The following KCTD16 variants were observed in gnomAD, a reference collection of about 807,000 sequenced individuals.
KCTD16 encodes BTB/POZ domain-containing protein KCTD16.
In KCTD16, 13 loss-of-function variants were observed where a neutral mutation model predicts 33.2. The ratio of observed to expected loss-of-function variants is 0.39; its 90% CI spans 0.25 to 0.62. The LOEUF (loss-of-function observed/expected upper bound fraction) is 0.62, where lower values mean the gene tolerates loss of function less well. KCTD16 is among the 20% of genes least tolerant of loss of function. The pLI is 0.50. For missense variants in KCTD16, 441 were observed against 525.1 expected, an observed-to-expected ratio of 0.84 and a Z score of 1.57; for synonymous variants, 197 against 195.3, an observed-to-expected ratio of 1.01 and a Z score of -0.07.
At chr5:144,269,852 A>G (rs1755246783) in intron 3 of KCTD16, among the ~76,000 whole-genome samples, 1 of 152,100 alleles carries the variant, frequency 6.6e-6, no homozygotes, top group African/African-American at 2.4e-5. Flanking sequence ...AAGAGGTGGA[A>G]ACAGAGTTGT....
intron 3 of KCTD16, among the ~76,000 whole-genome samples, chr5:144,212,000 AG>A: frequency 6.6e-6 from 1 of 152,150 alleles, no homozygotes; most frequent in East Asian, 1.9e-4. Flanking sequence ...TACCTTCCCC[AG>A]GGGTATTTGT....
chr5:144,171,221 A>C (rs1051894747), intron 1 of KCTD16, among the ~76,000 whole-genome samples: 3 of 152,166 alleles, frequency 2.0e-5, no homozygotes, highest in African/African-American at 7.2e-5. Context: ...AATATTCTTT[A>C]GTGTTCCATA....
intron 3 of KCTD16, among the ~76,000 whole-genome samples, chr5:144,293,588 A>G: frequency 6.6e-6 from 1 of 152,198 alleles, no homozygotes; most frequent in South Asian, 2.1e-4. Flanking sequence ...TAATCCATCT[A>G]TAGAGACCTT....
intron 3 of KCTD16, among the ~76,000 whole-genome samples, chr5:144,431,854 C>T (rs1753471587): frequency 6.6e-6 from 1 of 152,108 alleles, no homozygotes; most frequent in African/African-American, 2.4e-5. Context: ...CCTGGGCTTA[C>T]AAACATTTTG....
At chr5:144,414,843 T>C (rs1753010676) in intron 3 of KCTD16, among the ~76,000 whole-genome samples, 1 of 152,190 alleles carries the variant, frequency 6.6e-6, no homozygotes, top group Non-Finnish European at 1.5e-5. Flanking sequence ...AGCCTTGTAT[T>C]CGTGTGTCTG....
chr5:144,313,470 A>C (rs867213315), intron 3 of KCTD16, among the ~76,000 whole-genome samples: 1 of 152,174 alleles, frequency 6.6e-6, no homozygotes, highest in African/African-American at 2.4e-5. Flanking sequence ...ACATGAAAAT[A>C]CTAAAATATT....
intron 3 of KCTD16, among the ~76,000 whole-genome samples, chr5:144,333,523 T>C (rs992128937): frequency 6.6e-6 from 1 of 152,118 alleles, no homozygotes; most frequent in African/African-American, 2.4e-5. Flanking sequence ...TTGACTGGGC[T>C]CACTCAGTTC....
chr5:144,394,104 C>T (rs1752513510), intron 3 of KCTD16, among the ~76,000 whole-genome samples: 1 of 151,866 alleles, frequency 6.6e-6, no homozygotes, highest in Admixed American at 6.6e-5. Context: ...GCTAATTTTC[C>T]CATCGACTTT....
intron 3 of KCTD16, among the ~76,000 whole-genome samples, chr5:144,284,318 G>A (rs1284585742): frequency 6.6e-6 from 1 of 152,176 alleles, no homozygotes; most frequent in African/African-American, 2.4e-5. Flanking sequence ...TAGGAAGAGA[G>A]CATTGATTCT....
At chr5:144,327,417 C>T (rs1752238466) in intron 3 of KCTD16, among the ~76,000 whole-genome samples, 1 of 152,106 alleles carries the variant, frequency 6.6e-6, no homozygotes, top group African/African-American at 2.4e-5. Flanking sequence ...GATGGTTTTC[C>T]TGATCTTGCC....
In KCTD16 at chr5:144,307,722, C is replaced by T. The variant is rs186417246; in HGVS notation, c.832+100176C>T. Among the ~76,000 whole-genome samples the T allele has an allele frequency of 2.2e-4, 34 of 152,364 alleles. No individual in the cohort carries two copies. The East Asian group carries it at 6.6e-3, about 29-fold the overall frequency. On this transcript the variant is annotated intron_variant, in intron 3 of 3. Coordinates refer to ENST00000512467, the MANE Select transcript of KCTD16 (RefSeq NM_020768.4). ...ATGTATGCTGAATTGATTCAGATTA[C>T]ATAGCCATTTAATTTTAAGAATTTA...
chr5:144,465,779 C>CTTTTTTTTTTTTTTTTTTTTTTTTTTTT (rs780109122), intron 3 of KCTD16, among the ~76,000 whole-genome samples: 2 of 129,878 alleles, frequency 1.5e-5, no homozygotes, highest in Non-Finnish European at 1.6e-5. Context: ...CCAAATTTAA[C>CTTTTTTTTTTTTTTTTTTTTTTTTTTTT]TTTTTTGTTT....
At chr5:144,201,138 C>T (rs1021627533) in intron 2 of KCTD16, among the ~76,000 whole-genome samples, 2 of 152,134 alleles carry the variant, frequency 1.3e-5, no homozygotes, top group African/African-American at 4.8e-5. Flanking sequence ...TATATGAAAT[C>T]GGGCTTTGCA....
rs1484403735 is a variant in KCTD16, at chr5:144,476,373, G to T, written c.*2259G>T. The stretch of plus-strand genomic sequence containing the variant: ...CCTTATAAGAGTAAAGAATTAAGAT[G>T]ATAGTCAACCCAATATTTCTACTAC... On this transcript the variant is annotated 3_prime_UTR_variant, in exon 4 of 4. Transcript: ENST00000512467. 1.3e-5 allele frequency: 2 copies of T among 152,166 alleles called. No homozygotes were observed. The highest frequency in any genetic ancestry group is 4.8e-5 in the African/African-American group (2 of 41,454). The allele number at this position is 152,166 out of a possible 1,614,324, so 9.4% of individuals were successfully genotyped here. A position where few individuals can be genotyped will look rare whatever the true frequency, so the allele number is the denominator to read the frequency against.
chr5:144,439,842 G>A (rs1753662425), intron 3 of KCTD16, among the ~76,000 whole-genome samples: 1 of 151,868 alleles, frequency 6.6e-6, no homozygotes, highest in Admixed American at 6.6e-5. Flanking sequence ...GGTGTTGTAT[G>A]TATGGTGACT....
At chr5:144,287,870 G>T (rs148852833) in intron 3 of KCTD16, among the ~76,000 whole-genome samples, 1 of 152,018 alleles carries the variant, frequency 6.6e-6, no homozygotes, top group African/African-American at 2.4e-5. Context: ...TCCTGACCTC[G>T]TGATCCCCCT....
chr5:144,345,329 A>C (rs915950269), intron 3 of KCTD16, among the ~76,000 whole-genome samples: 1 of 152,048 alleles, frequency 6.6e-6, no homozygotes, highest in Non-Finnish European at 1.5e-5. Flanking sequence ...CATTGTGCAC[A>C]TGTACCCTAA....
intron 3 of KCTD16, among the ~76,000 whole-genome samples, chr5:144,361,864 G>A (rs940369201): frequency 2.0e-5 from 3 of 150,262 alleles, no homozygotes; most frequent in East Asian, 2.0e-4. Flanking sequence ...AGAGAGTCAC[G>A]TTTTATATAT....
chr5:144,176,471 C>T (rs559718854), intron 2 of KCTD16, among the ~76,000 whole-genome samples: 1 of 144,636 alleles, frequency 6.9e-6, no homozygotes, highest in African/African-American at 2.5e-5. Context: ...GGCGCAATCT[C>T]GGCTCACTGC....
Sources: gnomAD v4.1 joint callset for allele counts (sites outside exome capture counted in the v4.1 genomes callset) on GRCh38, gnomAD v4.1.1 for gene constraint, MANE v1.5 for transcripts, NCBI Gene and HGNC (gene_info 2026-07-23, HGNC 2026-07-21) for gene names.